ARMC6: variants seen among roughly 807,000 people sequenced by gnomAD.
The protein encoded by ARMC6 is armadillo repeat-containing protein 6.
A neutral mutation model predicts 49.2 loss-of-function variants in ARMC6; 43 were observed. The ratio of observed to expected loss-of-function variants is 0.87; its 90% CI spans 0.69 to 1.13. ARMC6 has a LOEUF of 1.13. Among genes scored for constraint, ARMC6 ranks in the 50% most tolerant of loss-of-function variants. The pLI, the probability that ARMC6 is intolerant of heterozygous loss-of-function variation, is 0.00. For missense variants in ARMC6, 627 were observed against 682.0 expected (o/e 0.92, Z 0.90); for synonymous variants, 262 against 289.6 (o/e 0.90, Z 0.97).
intron 2 of ARMC6, among the ~76,000 whole-genome samples, chr19:19,041,774 T>A (rs1318491584): frequency 6.6e-6 from 1 of 152,268 alleles, no homozygotes; most frequent in Non-Finnish European, 1.5e-5. Flanking sequence ...AATACTCACC[T>A]CAATCAACAG....
At chr19:19,037,775 T>C (rs2059382545) in intron 2 of ARMC6, 1 of 844,990 alleles carries the variant, frequency 1.2e-6, no homozygotes, top group African/African-American at 1.9e-5. Flanking sequence ...ACCTAAGGCC[T>C]GTTCCTCCTT....
chr19:19,052,206 G>A lies in ARMC6; in HGVS notation c.853+11G>A, dbSNP rs2059503420. The A allele has an allele frequency of 6.3e-7, 1 of 1,576,726 alleles. No homozygotes were observed. The highest frequency in any genetic ancestry group is 1.3e-5 in the African/African-American group (1 of 74,406). Reference sequence around the variant, plus strand: ...TCGAAGCCACCAAAGGTAAGAGCTGGGGGCCGACACGAGCCAGCGAACAAA... The same window carrying A: ...TCGAAGCCACCAAAGGTAAGAGCTGAGGGCCGACACGAGCCAGCGAACAAA... On this transcript the variant is annotated intron_variant, in intron 5 of 8. Transcript: ENST00000535612.
chr19:19,052,245 A>G lies in ARMC6; in HGVS notation c.853+50A>G, dbSNP rs1456777612. On this transcript the variant is annotated intron_variant, in intron 5 of 8. Transcript: ENST00000535612. ...CCAGCGAACAAAGTGGGCGGGTCAGATGTGACCAGAGTGAGGGTCAGGGCT... is the reference window on the plus strand; with the variant it reads ...CCAGCGAACAAAGTGGGCGGGTCAGGTGTGACCAGAGTGAGGGTCAGGGCT... 4 of 1,500,974 alleles carry G rather than the reference A, an allele frequency of 2.7e-6. No individual in the cohort carries two copies. The South Asian group carries it at 4.0e-5, about 15-fold the overall frequency. 93.0% of individuals were successfully genotyped at this position (1,500,974 alleles called of 1,614,324 possible).
intron 2 of ARMC6, among the ~76,000 whole-genome samples, chr19:19,036,437 G>A (rs1002641711): frequency 6.6e-6 from 1 of 152,190 alleles, no homozygotes; most frequent in Non-Finnish European, 1.5e-5. Context: ...ATGACTTTCT[G>A]TCCTGCACTT....
At chr19:19,036,679 GAGAGGGGCCTATCTGCAAA>G (rs1165927762) in intron 2 of ARMC6, among the ~76,000 whole-genome samples, 1 of 152,196 alleles carries the variant, frequency 6.6e-6, no homozygotes, top group Non-Finnish European at 1.5e-5. Context: ...GGGCAGAAAG[GAGAGGGGCCTATCTGCAAA>G]AGAGTGAGAT....
chr19:19,049,229 T>G (rs1243948345), intron 4 of ARMC6, among the ~76,000 whole-genome samples: 1 of 151,968 alleles, frequency 6.6e-6, no homozygotes, highest in African/African-American at 2.4e-5. Flanking sequence ...ATTTTTGTAT[T>G]TTTTTTAGAG....
rs373212070 is a variant in ARMC6, at chr19:19,054,136, C to T, written c.854-16C>T. On this transcript the variant is annotated splice_polypyrimidine_tract_variant and intron_variant, in intron 5 of 8. Transcript: ENST00000535612. ...GTTCTTCCCGCCCCCACCACCGTCT[C>T]CCTTTCTCCCTGCAGCGTTCCTGGA... 4.2e-5 allele frequency: 65 copies of T among 1,531,296 alleles called. No individual in the cohort carries two copies. The highest frequency in any genetic ancestry group is 5.5e-5 in the Non-Finnish European group (63 of 1,138,428). The allele number at this position is 1,531,296 out of a possible 1,614,324, so 94.9% of individuals were successfully genotyped here.
chr19:19,048,896 A>C (rs143363409), intron 4 of ARMC6, among the ~76,000 whole-genome samples: 1 of 152,288 alleles, frequency 6.6e-6, no homozygotes, highest in East Asian at 1.9e-4. Flanking sequence ...ATTGCTACAA[A>C]AAAGTCTTAC....
At chr19:19,045,493 C>CTTTTTTTTTTTTTTTTTTTTTTT (rs11270900) in intron 4 of ARMC6, among the ~76,000 whole-genome samples, 1,031 of 89,076 alleles carry the variant, frequency 0.012, 276 homozygotes, top group African/African-American at 0.046. Context: ...ATGCTAAATT[C>CTTTTTTTTTTTTTTTTTTTTTTT]TTTTTTTTTT....
chr19:19,053,347 C>T (rs138735694), intron 5 of ARMC6, among the ~76,000 whole-genome samples: 6 of 152,120 alleles, frequency 3.9e-5, no homozygotes, highest in Admixed American at 1.3e-4. Flanking sequence ...AATTGCTGGG[C>T]GTGGTGGTGG....
chr19:19,044,058 C>T lies in ARMC6; in HGVS notation c.263C>T (p.Thr88Ile). Residue 88 changes from threonine (T) to isoleucine (I), a missense_variant, in exon 4 of 9, where the codon ACA (threonine) becomes ATA (isoleucine). Thr to Ile is a moderately conservative substitution (Grantham distance 89). Coordinates refer to ENST00000535612, the MANE Select transcript of ARMC6 (RefSeq NM_001199196.2). Reference protein sequence around the residue: ...KVSADGSQEPTHDILQMLSDL... With the variant: ...KVSADGSQEPIHDILQMLSDL... ...TCTGCAGACGGATCCCAGGAGCCCA[C>T]ACATGACATCCTGCAGGTAGGAGTG... 6.2e-7 allele frequency: 1 copy of T among 1,614,128 alleles called. No individual in the cohort carries two copies. The highest frequency in any genetic ancestry group is 8.5e-7 in the Non-Finnish European group (1 of 1,179,978).
chr19:19,048,055 A>G (rs562036005), intron 4 of ARMC6, among the ~76,000 whole-genome samples: 5 of 152,142 alleles, frequency 3.3e-5, no homozygotes, highest in African/African-American at 9.7e-5. Context: ...TACAAAAAAT[A>G]CAAAAATTAG....
At position 19,055,153 on chromosome 19, in the gene ARMC6, AG is replaced by A; in HGVS notation, c.1024-111del. On this transcript the variant is annotated intron_variant, in intron 6 of 8. Coordinates refer to ENST00000535612, the MANE Select transcript of ARMC6 (RefSeq NM_001199196.2). This position sits in a 1 kb window ranked among gnomAD's most constrained non-coding sequence, Gnocchi z 5.7. Reference sequence around the variant, plus strand: ...CCCCTTCTCGTTAGTCACACCCTGCAGTCACACCATACCTGTTGGTCAAACA... The same window carrying A: ...CCCCTTCTCGTTAGTCACACCCTGCATCACACCATACCTGTTGGTCAAACA... The A allele has an allele frequency of 1.5e-6, 2 of 1,357,002 alleles. No individual in the cohort carries two copies. Among genetic ancestry groups the A allele is most frequent in the South Asian group, 3.0e-5 (2 of 65,968 alleles). The allele number at this position is 1,357,002 out of a possible 1,614,324, so 84.1% of individuals were successfully genotyped here.
chr19:19,053,285 C>G (rs2059514030), intron 5 of ARMC6, among the ~76,000 whole-genome samples: 1 of 152,054 alleles, frequency 6.6e-6, no homozygotes, highest in Admixed American at 6.6e-5. Context: ...CCCAGGAGTT[C>G]AAGACCAGCC....
In ARMC6 at chr19:19,057,532, CTG is replaced by C; in HGVS notation, c.1413_1414del (p.Cys471Ter). On this transcript the variant is annotated frameshift_variant, in exon 9 of 9. Coordinates refer to ENST00000535612, the MANE Select transcript of ARMC6 (RefSeq NM_001199196.2). LOFTEE classifies it high-confidence loss of function. The part of the protein sequence containing the change: ...IMQARSAHRD[C>X]EDVAKAALRD... ...TGCAGGCCCGATCTGCCCACCGTGA[CTG>C]TGAGGACGTGGCCAAGGCCGCCCTG... 1 of 1,614,020 alleles carries C rather than the reference CTG, an allele frequency of 6.2e-7. No homozygotes were observed. The highest frequency in any genetic ancestry group is 8.5e-7 in the Non-Finnish European group (1 of 1,180,010).
chr19:19,033,682 G>T lies in ARMC6; in HGVS notation c.-328G>T. 1 of 261,066 alleles carries T rather than the reference G, an allele frequency of 3.8e-6. No individual in the cohort carries two copies. Among genetic ancestry groups the T allele is most frequent in the Non-Finnish European group, 6.4e-6 (1 of 155,942 alleles). 16.2% of individuals were successfully genotyped at this position (261,066 alleles called of 1,614,324 possible). On this transcript the variant is annotated 5_prime_UTR_variant, in exon 1 of 9. Coordinates refer to ENST00000535612, the MANE Select transcript of ARMC6 (RefSeq NM_001199196.2). ...TGGAGGCAAAACATTTCCCTGCTGG[G>T]GGCGGCGACCACCGTGAGCGTCCCG...
chr19:19,048,518 GAAA>G lies in ARMC6; in HGVS notation c.280-3092_280-3090del, dbSNP rs768327379. Among the ~76,000 whole-genome samples the G allele has an allele frequency of 2.5e-5, 3 of 119,722 alleles. No homozygotes were observed. In the Admixed American group the frequency reaches 2.6e-4, roughly 10 times the overall value. 78.5% of individuals were successfully genotyped at this position (119,722 alleles called of 152,430 possible). A position where few individuals can be genotyped will look rare whatever the true frequency, so the allele number is the denominator to read the frequency against. ...AGCCTGGGCAACAGAATGAGACTCAGAAAAAAAAAAAAAAGATTTTCTGATTGA... is the reference window on the plus strand; with the variant it reads ...AGCCTGGGCAACAGAATGAGACTCAGAAAAAAAAAAAGATTTTCTGATTGA... On this transcript the variant is annotated intron_variant, in intron 4 of 8. Coordinates refer to ENST00000535612, the MANE Select transcript of ARMC6 (RefSeq NM_001199196.2).
intron 4 of ARMC6, among the ~76,000 whole-genome samples, chr19:19,044,495 C>T (rs534381318): frequency 1.3e-5 from 2 of 152,234 alleles, no homozygotes; most frequent in Non-Finnish European, 2.9e-5. Context: ...TGAAGCTCAC[C>T]AGTGAAGTAG....
At chr19:19,041,123 C>G (rs1213608097) in intron 2 of ARMC6, among the ~76,000 whole-genome samples, 1 of 151,948 alleles carries the variant, frequency 6.6e-6, no homozygotes, top group African/African-American at 2.4e-5. Context: ...AGTGAGCCAC[C>G]TAGCCCTGGC....
Sources: gnomAD v4.1 joint callset for allele counts (sites outside exome capture counted in the v4.1 genomes callset) on GRCh38, gnomAD v4.1.1 for gene constraint, Gnocchi (gnomAD v3.1) non-coding constraint, MANE v1.5 for transcripts, NCBI Gene and HGNC (gene_info 2026-07-23, HGNC 2026-07-21) for gene names.